The following KIF6 variants were observed in gnomAD, a reference collection of about 807,000 sequenced individuals.
KIF6 encodes kinesin-like protein KIF6.
A neutral mutation model predicts 112.7 loss-of-function variants in KIF6; 106 were observed. That is an observed-to-expected ratio of 0.94 (90% CI 0.80 to 1.11). The LOEUF is 1.11. Ranked by LOEUF, KIF6 falls within the 50% of genes least tolerant of loss-of-function variation. KIF6 has a pLI of 0.00. For missense variants in KIF6, 929 were observed against 964.0 expected (o/e 0.96, Z 0.48); for synonymous variants, 339 against 339.9 (o/e 1.00, Z 0.03).
intron 15 of KIF6, among the ~76,000 whole-genome samples, chr6:39,417,644 C>G (rs533537999): frequency 5.3e-5 from 8 of 152,156 alleles, no homozygotes; most frequent in Admixed American, 5.2e-4. Flanking sequence ...AGCCCCCAAC[C>G]TGCCTAATCT....
At position 39,613,267 on chromosome 6, in the gene KIF6, C is replaced by A; in HGVS notation, c.561G>T (p.Leu187Phe). Reference protein sequence around the residue: ...DPDQNIHLKNLTLHQATTEEE... With the variant: ...DPDQNIHLKNFTLHQATTEEE... Reference sequence around the variant, plus strand: ...CCTCTGTGGTTGCCTGATGGAGAGTCAAGTTTTTCAGGTGAATGTTCTGAT... The same window carrying A: ...CCTCTGTGGTTGCCTGATGGAGAGTAAAGTTTTTCAGGTGAATGTTCTGAT... Residue 187 changes from leucine to phenylalanine, a missense_variant, in exon 6 of 23, where the codon TTG (leucine) becomes TTT (phenylalanine). By Grantham distance (22) the Leu-to-Phe change is conservative. Around this residue, in one of 2 missense-constraint regions of KIF6, gnomAD observed 688 missense variants for 662.7 expected, o/e 1.04. Coordinates refer to ENST00000287152, the MANE Select transcript of KIF6 (RefSeq NM_145027.6). 1.2e-6 allele frequency: 2 copies of A among 1,608,236 alleles called. No individual in the cohort carries two copies.
intron 2 of KIF6, among the ~76,000 whole-genome samples, chr6:39,718,748 A>AAAAAAGAAAGAAAG (rs1389589047): frequency 7.2e-5 from 11 of 151,932 alleles, no homozygotes; most frequent in Admixed American, 1.3e-4. Flanking sequence ...AAAAAAAAAA[A>AAAAAAGAAAGAAAG]AAAAAGAAAG....
At chr6:39,683,700 A>G (rs559261615) in intron 3 of KIF6, among the ~76,000 whole-genome samples, 36 of 152,302 alleles carry the variant, frequency 2.4e-4, no homozygotes, top group Non-Finnish European at 4.7e-4. Context: ...CTCATGAAGG[A>G]GAGGAGGAAT....
chr6:39,500,554 A>G (rs1776065988), intron 13 of KIF6, among the ~76,000 whole-genome samples: 1 of 152,202 alleles, frequency 6.6e-6, no homozygotes, highest in African/African-American at 2.4e-5. Flanking sequence ...GGGTTTTGCT[A>G]CTTACTAATG....
intron 3 of KIF6, among the ~76,000 whole-genome samples, chr6:39,642,452 G>C (rs568798962): frequency 1.3e-5 from 2 of 152,166 alleles, no homozygotes; most frequent in African/African-American, 4.8e-5. Context: ...ACCACTGTAG[G>C]GGGCAGTATG....
In KIF6 at chr6:39,342,600, TATTTTTTTTTA is replaced by T. The variant is rs1268893211; in HGVS notation, c.2428+1098_2428+1108del. Among the ~76,000 whole-genome samples, 870 of 137,492 alleles carry T rather than the reference TATTTTTTTTTA, an allele frequency of 6.3e-3. 116 individuals are homozygous for T. The highest frequency in any genetic ancestry group is 0.023 in the African/African-American group (780 of 33,372). 90.2% of individuals were successfully genotyped at this position (137,492 alleles called of 152,430 possible). On this transcript the variant is annotated intron_variant, in intron 22 of 22. Coordinates refer to ENST00000287152, the MANE Select transcript of KIF6 (RefSeq NM_145027.6). The surrounding 1 kb of genome is among the most constrained non-coding windows in gnomAD (Gnocchi z 4.7). ...TTGGAGATCACTGAATCCAGTTTTT[TATTTTTTTTTA>T]TTTTTTTTTATTTTTTTTTATTTTT...
At chr6:39,553,457 G>C (rs1262064075) in intron 10 of KIF6, among the ~76,000 whole-genome samples, 1 of 152,128 alleles carries the variant, frequency 6.6e-6, no homozygotes, top group Middle Eastern at 3.2e-3. Flanking sequence ...AATCCAGACT[G>C]GTTTGCCTTT....
chr6:39,633,330 G>A (rs1226598123), intron 5 of KIF6, among the ~76,000 whole-genome samples: 1 of 152,112 alleles, frequency 6.6e-6, no homozygotes, highest in Non-Finnish European at 1.5e-5. Flanking sequence ...ACCCTTAAGA[G>A]AGGTAACATA....
rs184601708 is a variant in KIF6 at position 39,342,392 on chromosome 6, C to G, written c.2428+1317G>C. On this transcript the variant is annotated intron_variant, in intron 22 of 22. Coordinates refer to ENST00000287152, the MANE Select transcript of KIF6 (RefSeq NM_145027.6). The surrounding 1 kb of genome is among the most constrained non-coding windows in gnomAD (Gnocchi z 4.7). ...GTTCATTGTCTGTCTCCTTCCTCCCCCTAGAATGTCAGTTTCTCACGTGCT... is the reference window on the plus strand; with the variant it reads ...GTTCATTGTCTGTCTCCTTCCTCCCGCTAGAATGTCAGTTTCTCACGTGCT... Among the ~76,000 whole-genome samples the G allele has an allele frequency of 1.3e-5, 2 of 152,274 alleles. No homozygotes were observed. Among genetic ancestry groups the G allele is most frequent in the Admixed American group, 6.5e-5 (1 of 15,304 alleles).
At chr6:39,365,383 C>T (rs914239098) in intron 16 of KIF6, among the ~76,000 whole-genome samples, 16 of 152,318 alleles carry the variant, frequency 1.1e-4, no homozygotes, top group African/African-American at 3.8e-4. Context: ...CGCCTGTCCA[C>T]ATCACCCACA....
chr6:39,351,069 C>T (rs534449716), intron 19 of KIF6, among the ~76,000 whole-genome samples: 11 of 152,024 alleles, frequency 7.2e-5, no homozygotes, highest in East Asian at 3.9e-4. Flanking sequence ...CAGCAGTCAC[C>T]GAAGGGGCTT....
chr6:39,400,652 A>G (rs1370713101), intron 15 of KIF6, among the ~76,000 whole-genome samples: 28 of 152,074 alleles, frequency 1.8e-4, no homozygotes, highest in Admixed American at 1.8e-3. Context: ...AGGAGAGGGG[A>G]AGAGGGTTGT....
intron 10 of KIF6, among the ~76,000 whole-genome samples, chr6:39,548,701 C>T (rs1779195805): frequency 6.6e-6 from 1 of 152,196 alleles, no homozygotes; most frequent in Admixed American, 6.5e-5. Flanking sequence ...ATTTTCCTAT[C>T]TACCAAAATA....
intron 15 of KIF6, among the ~76,000 whole-genome samples, chr6:39,397,505 G>A (rs1768359844): frequency 6.6e-6 from 1 of 151,678 alleles, no homozygotes; most frequent in Non-Finnish European, 1.5e-5. Flanking sequence ...TTTCAGGAGT[G>A]ACATATTTCA....
chr6:39,510,616 G>A (rs4482969), intron 13 of KIF6, among the ~76,000 whole-genome samples: 5,828 of 152,066 alleles, frequency 0.038, 255 homozygotes, highest in East Asian at 0.25. Flanking sequence ...GATCATCGAC[G>A]CTATGAAGAA....
chr6:39,669,388 A>G (rs188104059), intron 3 of KIF6, among the ~76,000 whole-genome samples: 1 of 152,326 alleles, frequency 6.6e-6, no homozygotes, highest in African/African-American at 2.4e-5. Flanking sequence ...GCACACACAT[A>G]TGGATTTATC....
chr6:39,687,447 A>C (rs528171745), intron 3 of KIF6, among the ~76,000 whole-genome samples: 4 of 152,352 alleles, frequency 2.6e-5, no homozygotes, highest in Non-Finnish European at 5.9e-5. Flanking sequence ...GTTCTCTAAA[A>C]GGTCTGAAAG....
chr6:39,443,828 G>T (rs1297322442), intron 13 of KIF6, among the ~76,000 whole-genome samples: 1 of 152,206 alleles, frequency 6.6e-6, no homozygotes, highest in Non-Finnish European at 1.5e-5. Context: ...AATATGTATG[G>T]ATTTAAGTAA....
At chr6:39,464,878 A>T (rs1401040072) in intron 13 of KIF6, among the ~76,000 whole-genome samples, 1 of 152,244 alleles carries the variant, frequency 6.6e-6, no homozygotes, top group Non-Finnish European at 1.5e-5. Context: ...AATATGCAAC[A>T]AACATTGGGT....
Sources: gnomAD v4.1 joint callset for allele counts (sites outside exome capture counted in the v4.1 genomes callset) on GRCh38, gnomAD v4.1.1 for gene constraint, gnomAD v4.1.1 regional missense constraint, Gnocchi (gnomAD v3.1) non-coding constraint, MANE v1.5 for transcripts, NCBI Gene and HGNC (gene_info 2026-07-23, HGNC 2026-07-21) for gene names.